Variants in NALF1 observed in about 807,000 individuals in gnomAD.
NALF1 encodes the protein family with sequence similarity 155 member A.
NALF1 carries 3 observed loss-of-function variants against 48.4 expected under a neutral mutation model. That is an observed-to-expected ratio of 0.06 (90% CI 0.03 to 0.16). The LOEUF is 0.16. Ranked by LOEUF, NALF1 falls within the 10% of genes least tolerant of loss-of-function variation. NALF1 has a pLI of 1.00. For missense variants in NALF1, 526 were observed against 571.5 expected, an observed-to-expected ratio of 0.92 and a Z score of 0.81; for synonymous variants, 262 against 245.7, an observed-to-expected ratio of 1.07 and a Z score of -0.62.
intron 1 of NALF1, among the ~76,000 whole-genome samples, chr13:107,298,204 G>T (rs907370040): frequency 6.6e-5 from 10 of 151,358 alleles, no homozygotes; most frequent in African/African-American, 2.4e-4. Flanking sequence ...CACAAAATTA[G>T]CCGGGTGTGT....
chr13:107,203,696 C>T (rs1002119654), intron 2 of NALF1, among the ~76,000 whole-genome samples: 12 of 152,180 alleles, frequency 7.9e-5, no homozygotes, highest in African/African-American at 2.9e-4. Flanking sequence ...GCTCAGGACC[C>T]ACCACTGAAG....
chr13:107,404,166 T>C (rs1051808187), intron 1 of NALF1, among the ~76,000 whole-genome samples: 17 of 152,126 alleles, frequency 1.1e-4, no homozygotes, highest in Non-Finnish European at 2.1e-4. Context: ...AAATAGTCGC[T>C]TTACCCAAGG....
At chr13:107,836,112 T>A (rs1879880918) in intron 1 of NALF1, among the ~76,000 whole-genome samples, 1 of 152,040 alleles carries the variant, frequency 6.6e-6, no homozygotes, top group South Asian at 2.1e-4. Context: ...CACCTCAGCC[T>A]CCTGAGTAGC....
chr13:107,419,831 T>C (rs942004578), intron 1 of NALF1, among the ~76,000 whole-genome samples: 2 of 152,192 alleles, frequency 1.3e-5, no homozygotes, highest in African/African-American at 2.4e-5. Context: ...ATAGTTTTTG[T>C]TTTTATCTGC....
intron 1 of NALF1, among the ~76,000 whole-genome samples, chr13:107,285,643 T>C (rs369878492): frequency 2.6e-5 from 4 of 152,082 alleles, no homozygotes; most frequent in East Asian, 3.9e-4. Flanking sequence ...ATTCATATTA[T>C]AGTGTATAGC....
intron 1 of NALF1, among the ~76,000 whole-genome samples, chr13:107,804,597 T>C (rs1291899136): frequency 6.6e-6 from 1 of 152,086 alleles, no homozygotes; most frequent in African/African-American, 2.4e-5. Flanking sequence ...ATGCAGTGGG[T>C]GGCGCTCAGC....
chr13:107,807,960 T>G (rs962876211), intron 1 of NALF1, among the ~76,000 whole-genome samples: 1 of 152,118 alleles, frequency 6.6e-6, no homozygotes, highest in African/African-American at 2.4e-5. Context: ...AAGAAAATTA[T>G]ATTTATTTGG....
intron 1 of NALF1, among the ~76,000 whole-genome samples, chr13:107,740,855 A>G (rs576056100): frequency 6.6e-6 from 1 of 152,330 alleles, no homozygotes; most frequent in South Asian, 2.1e-4. Context: ...AATAAAATAT[A>G]TGCTTTGGAA....
intron 1 of NALF1, among the ~76,000 whole-genome samples, chr13:107,685,299 C>A (rs1035790504): frequency 1.3e-5 from 2 of 151,850 alleles, no homozygotes. Context: ...GGTGACAAGG[C>A]GAGACACCGT....
chr13:107,345,044 C>A (rs949944137), intron 1 of NALF1, among the ~76,000 whole-genome samples: 9 of 151,884 alleles, frequency 5.9e-5, no homozygotes, highest in Non-Finnish European at 1.3e-4. Context: ...TAACAACAAA[C>A]AACCTAAAAA....
intron 1 of NALF1, among the ~76,000 whole-genome samples, chr13:107,450,017 G>A (rs189573965): frequency 6.6e-6 from 1 of 152,202 alleles, no homozygotes; most frequent in East Asian, 1.9e-4. Context: ...AGAGGTGGGG[G>A]TGGATAAACG....
At chr13:107,352,269 C>G (rs1269145883) in intron 1 of NALF1, among the ~76,000 whole-genome samples, 1 of 152,106 alleles carries the variant, frequency 6.6e-6, no homozygotes, top group Non-Finnish European at 1.5e-5. Flanking sequence ...TGAGGTGTGT[C>G]TGACCTGCTG....
At chr13:107,575,821 T>G (rs1482825360) in intron 1 of NALF1, among the ~76,000 whole-genome samples, 2 of 151,996 alleles carry the variant, frequency 1.3e-5, no homozygotes, top group East Asian at 3.9e-4. Context: ...AGCCTTGGAG[T>G]CCGGATTTCA....
At chr13:107,621,461 T>C (rs529903371) in intron 1 of NALF1, among the ~76,000 whole-genome samples, 11 of 152,194 alleles carry the variant, frequency 7.2e-5, no homozygotes, top group Non-Finnish European at 1.2e-4. Flanking sequence ...CATAAAATTA[T>C]AAAGAACTAT....
chr13:107,241,231 G>A (rs1247164260), intron 1 of NALF1, among the ~76,000 whole-genome samples: 3 of 151,744 alleles, frequency 2.0e-5, no homozygotes, highest in African/African-American at 7.3e-5. Context: ...ATATATATAT[G>A]CACACACTTC....
chr13:107,644,557 T>C (rs1303699796), intron 1 of NALF1, among the ~76,000 whole-genome samples: 5 of 150,918 alleles, frequency 3.3e-5, no homozygotes, highest in African/African-American at 7.3e-5. Flanking sequence ...AATGCATTCT[T>C]CTAGTTAATT....
intron 1 of NALF1, among the ~76,000 whole-genome samples, chr13:107,736,870 A>AAATG (rs1876481829): frequency 6.6e-6 from 1 of 152,212 alleles, no homozygotes; most frequent in African/African-American, 2.4e-5. Context: ...AGCTAAAACA[A>AAATG]AATGAATGCA....
intron 1 of NALF1, among the ~76,000 whole-genome samples, chr13:107,793,905 G>A (rs1279043109): frequency 2.0e-5 from 3 of 151,772 alleles, no homozygotes; most frequent in East Asian, 3.9e-4. Context: ...AATAAAATGA[G>A]TGTGACTATG....
At position 107,867,206 on chromosome 13, in the gene NALF1, C is replaced by G. The variant is rs373408555; in HGVS notation, c.-610G>C. 1.3e-5 allele frequency among the ~76,000 whole-genome samples: 2 copies of G among 151,546 alleles called. No homozygotes were observed. Among genetic ancestry groups the G allele is most frequent in the African/African-American group, 4.9e-5 (2 of 41,194 alleles). On this transcript the variant is annotated 5_prime_UTR_variant, in exon 1 of 3. Coordinates refer to ENST00000375915, the MANE Select transcript of NALF1 (RefSeq NM_001080396.3). This position sits in a 1 kb window ranked among gnomAD's most constrained non-coding sequence, Gnocchi z 4.4. ...CTCCTTCTTCTTCTCCTCCGCCTCCCGCTCCTGCTCCGCGCTGGCTCTCCC... is the reference window on the plus strand; with the variant it reads ...CTCCTTCTTCTTCTCCTCCGCCTCCGGCTCCTGCTCCGCGCTGGCTCTCCC...
Sources: gnomAD v4.1 joint callset for allele counts (sites outside exome capture counted in the v4.1 genomes callset) on GRCh38, gnomAD v4.1.1 for gene constraint, Gnocchi (gnomAD v3.1) non-coding constraint, MANE v1.5 for transcripts, NCBI Gene and HGNC (gene_info 2026-07-23, HGNC 2026-07-21) for gene names.